Variants in STXBP5L observed in about 807,000 individuals in gnomAD.
STXBP5L encodes the protein syntaxin binding protein 5L, also known as syntaxin-binding protein 5-like.
A neutral mutation model predicts 144.5 loss-of-function variants in STXBP5L; 65 were observed. The observed-to-expected ratio is 0.45, with a 90% CI of 0.37 to 0.55. The LOEUF (loss-of-function observed/expected upper bound fraction) is 0.55. Among genes scored for constraint, STXBP5L ranks in the 20% least tolerant of loss-of-function variants. The pLI, the probability that STXBP5L is intolerant of heterozygous loss-of-function variation, is 0.00. For missense variants in STXBP5L, 1,298 were observed against 1,405.5 expected (o/e 0.92, Z 1.22); for synonymous variants, 505 against 469.6 (o/e 1.08, Z -0.97).
At chr3:120,982,846 C>A (rs945189490) in intron 3 of STXBP5L, among the ~76,000 whole-genome samples, 1 of 152,116 alleles carries the variant, frequency 6.6e-6, no homozygotes, top group Non-Finnish European at 1.5e-5. Flanking sequence ...CTAGATGGCC[C>A]CTTGGATGGT....
chr3:121,361,702 C>A (rs977544433), intron 20 of STXBP5L, among the ~76,000 whole-genome samples: 1 of 151,648 alleles, frequency 6.6e-6, no homozygotes, highest in Admixed American at 6.6e-5. Context: ...CCTATGTTAT[C>A]TCGAATTTTT....
intron 21 of STXBP5L, among the ~76,000 whole-genome samples, chr3:121,380,858 C>G (rs180993809): frequency 6.6e-6 from 1 of 152,084 alleles, no homozygotes; most frequent in Non-Finnish European, 1.5e-5. Flanking sequence ...TCATGCCAAT[C>G]GCCACAGTAT....
At chr3:121,186,003 G>C (rs984459531) in intron 9 of STXBP5L, among the ~76,000 whole-genome samples, 1 of 152,036 alleles carries the variant, frequency 6.6e-6, no homozygotes, top group Non-Finnish European at 1.5e-5. Context: ...TCCTTGAAGA[G>C]GTCCTTCATG....
At chr3:121,113,013 C>G (rs2107820291) in intron 5 of STXBP5L, among the ~76,000 whole-genome samples, 1 of 152,032 alleles carries the variant, frequency 6.6e-6, no homozygotes, top group Non-Finnish European at 1.5e-5. Flanking sequence ...GTTGTTGTAA[C>G]CACTACTCAT....
chr3:120,970,856 G>A (rs946502325), intron 3 of STXBP5L, among the ~76,000 whole-genome samples: 7 of 152,114 alleles, frequency 4.6e-5, no homozygotes, highest in South Asian at 4.1e-4. Flanking sequence ...ACAATTCACT[G>A]GAACTAACTT....
chr3:121,413,408 G>T (rs2047163891), intron 24 of STXBP5L, 85 bp downstream of exon 24: 1 of 1,257,940 alleles, frequency 7.9e-7, no homozygotes, highest in Non-Finnish European at 1.1e-6. Flanking sequence ...AATATTATTA[G>T]GTCAGACAAT....
At chr3:121,321,368 TTAC>T (rs1231597603) in intron 20 of STXBP5L, among the ~76,000 whole-genome samples, 2 of 152,234 alleles carry the variant, frequency 1.3e-5, no homozygotes, top group African/African-American at 4.8e-5. Context: ...ATCACAATAT[TTAC>T]TGATTTCATT....
chr3:121,347,515 G>T (rs2045049631), intron 20 of STXBP5L, among the ~76,000 whole-genome samples: 1 of 152,144 alleles, frequency 6.6e-6, no homozygotes, highest in African/African-American at 2.4e-5. Context: ...GTAACTTGAT[G>T]GGGATGGCAT....
intron 2 of STXBP5L, among the ~76,000 whole-genome samples, chr3:120,916,590 C>T (rs369744643): frequency 2.6e-4 from 39 of 152,194 alleles, no homozygotes; most frequent in African/African-American, 8.9e-4. Flanking sequence ...CGTGAGCCAC[C>T]GCACCTGGCA....
At chr3:121,322,867 G>A (rs1265202281) in intron 20 of STXBP5L, among the ~76,000 whole-genome samples, 1 of 152,122 alleles carries the variant, frequency 6.6e-6, no homozygotes, top group Non-Finnish European at 1.5e-5. Flanking sequence ...GTTGTTTGTT[G>A]ACTTTTTAAT....
At chr3:121,344,048 G>A (rs1576229726) in intron 20 of STXBP5L, among the ~76,000 whole-genome samples, 1 of 152,066 alleles carries the variant, frequency 6.6e-6, no homozygotes, top group African/African-American at 2.4e-5. Flanking sequence ...TACCAAAACA[G>A]AGATATAGAT....
chr3:120,962,423 T>C (rs9826889), intron 3 of STXBP5L, among the ~76,000 whole-genome samples: 8 of 151,984 alleles, frequency 5.3e-5, no homozygotes, highest in Admixed American at 5.2e-4. Flanking sequence ...TCACATGTAA[T>C]TCTTTAATCC....
intron 20 of STXBP5L, chr3:121,324,659 G>A (rs762601816): frequency 5.0e-6 from 3 of 605,284 alleles, no homozygotes; most frequent in Non-Finnish European, 8.7e-6. Flanking sequence ...TTCACAACTT[G>A]TCTCAAAACT....
intron 2 of STXBP5L, among the ~76,000 whole-genome samples, chr3:120,936,786 A>G (rs1329411166): frequency 1.3e-5 from 2 of 151,788 alleles, no homozygotes; most frequent in East Asian, 3.9e-4. Context: ...ATTTTTTTGT[A>G]TTTTTAGGCC....
intron 19 of STXBP5L, among the ~76,000 whole-genome samples, chr3:121,304,272 C>G (rs1027315425): frequency 6.6e-6 from 1 of 152,094 alleles, no homozygotes; most frequent in Non-Finnish European, 1.5e-5. Context: ...ATAGACAATT[C>G]TACCATCATT....
At chr3:121,350,839 G>A (rs1039747312) in intron 20 of STXBP5L, among the ~76,000 whole-genome samples, 4 of 151,966 alleles carry the variant, frequency 2.6e-5, no homozygotes, top group Admixed American at 2.6e-4. Context: ...CTCTCCATTG[G>A]TTATTCTAGT....
intron 7 of STXBP5L, among the ~76,000 whole-genome samples, chr3:121,129,476 A>G (rs546474079): frequency 5.5e-4 from 84 of 152,236 alleles, no homozygotes; most frequent in Middle Eastern, 3.4e-3. Flanking sequence ...CGCTATAAAA[A>G]TAACCAGGTG....
At chr3:121,418,896 A>C (rs2047303406) in intron 26 of STXBP5L, among the ~76,000 whole-genome samples, 160 bp from the exon 27 acceptor site, 1 of 152,180 alleles carries the variant, frequency 6.6e-6, no homozygotes, top group Admixed American at 6.5e-5. Flanking sequence ...TTATTTTTAA[A>C]ATCTTTCTCA....
At chr3:120,979,424 G>T (rs188056400) in intron 3 of STXBP5L, among the ~76,000 whole-genome samples, 60 of 152,280 alleles carry the variant, frequency 3.9e-4, no homozygotes, top group African/African-American at 1.4e-3. Context: ...GGGTGGGCGT[G>T]ACCCAATTTT....
Sources: allele counts gnomAD v4.1 joint callset (sites outside exome capture counted in the v4.1 genomes callset), GRCh38; gene constraint gnomAD v4.1.1; transcripts MANE v1.5; gene names NCBI Gene and HGNC (gene_info 2026-07-23, HGNC 2026-07-21).